The following EEIG1 variants were observed in gnomAD, a reference collection of about 807,000 sequenced individuals.
The protein encoded by EEIG1 is estrogen-induced osteoclastogenesis regulator 1, also known as early estrogen-induced gene 1 protein.
chr9:127,973,601 C>T, the EEIG1 span, among the ~76,000 whole-genome samples: 1 of 152,232 alleles, frequency 6.6e-6, no homozygotes. This position sits in a 1 kb window ranked among gnomAD's most constrained non-coding sequence, Gnocchi z 4.2. Flanking sequence ...AAGGAGCAGA[C>T]ACCAAGGCCA....
chr9:127,943,271 C>G, the EEIG1 span: 1 of 1,609,640 alleles, frequency 6.2e-7, no homozygotes, highest in African/African-American at 1.3e-5. Flanking sequence ...ATGTCCCCCT[C>G]GATACCCCAT....
chr9:127,965,748 T>C, the EEIG1 span, among the ~76,000 whole-genome samples: 2 of 152,192 alleles, frequency 1.3e-5, no homozygotes, highest in Admixed American at 6.5e-5. Context: ...ACATCTGCCT[T>C]GTGCTTCCCC....
the EEIG1 span, among the ~76,000 whole-genome samples, chr9:127,972,317 C>T: frequency 6.6e-6 from 1 of 152,144 alleles, no homozygotes; most frequent in Non-Finnish European, 1.5e-5. The surrounding 1 kb of genome is among the most constrained non-coding windows in gnomAD (Gnocchi z 4.3). Flanking sequence ...CACCCTGCCC[C>T]GAGTGCAAAG....
chr9:127,949,311 CAAAAAA>C, the EEIG1 span, among the ~76,000 whole-genome samples: 2 of 90,160 alleles, frequency 2.2e-5, no homozygotes, highest in Non-Finnish European at 4.1e-5. Flanking sequence ...GACTCTGTCT[CAAAAAA>C]AAAAAAAAAA....
At chr9:127,973,632 AG>A in the EEIG1 span, among the ~76,000 whole-genome samples, 2 of 152,188 alleles carry the variant, frequency 1.3e-5, no homozygotes, top group African/African-American at 4.8e-5. This position sits in a 1 kb window ranked among gnomAD's most constrained non-coding sequence, Gnocchi z 4.2. Flanking sequence ...CGGCAGCTTC[AG>A]GCTTCCCCGC....
the EEIG1 span, among the ~76,000 whole-genome samples, chr9:127,956,224 G>C: frequency 6.6e-6 from 1 of 152,142 alleles, no homozygotes; most frequent in Non-Finnish European, 1.5e-5. Context: ...TGTGTGCCAG[G>C]CCCTGTTCTA....
chr9:127,945,027 T>A, the EEIG1 span: 82 of 1,137,158 alleles, frequency 7.2e-5, no homozygotes, highest in Non-Finnish European at 9.5e-5. This position sits in a 1 kb window ranked among gnomAD's most constrained non-coding sequence, Gnocchi z 6.5. Flanking sequence ...CGTGCTGTAC[T>A]TCACTGAAAC....
the EEIG1 span, among the ~76,000 whole-genome samples, chr9:127,967,554 T>A: frequency 2.0e-5 from 3 of 152,194 alleles, no homozygotes; most frequent in Admixed American, 6.5e-5. Context: ...ACAATGGGTG[T>A]CACACTGGGC....
At chr9:127,956,353 T>C in the EEIG1 span, among the ~76,000 whole-genome samples, 1 of 152,208 alleles carries the variant, frequency 6.6e-6, no homozygotes, top group African/African-American at 2.4e-5. Context: ...TATTAACAGA[T>C]GACTTGATCT....
At chr9:127,956,934 C>T in the EEIG1 span, among the ~76,000 whole-genome samples, 3 of 152,008 alleles carry the variant, frequency 2.0e-5, no homozygotes, top group African/African-American at 7.2e-5. Flanking sequence ...AGGCTGGTCT[C>T]GAACTCCTGG....
the EEIG1 span, among the ~76,000 whole-genome samples, chr9:127,970,184 G>A: frequency 4.6e-3 from 694 of 152,080 alleles, 3 homozygotes; most frequent in African/African-American, 0.015. Context: ...CGCGATCTCC[G>A]CACGCTGCAG....
chr9:127,971,466 AG>A, the EEIG1 span, among the ~76,000 whole-genome samples: 1 of 146,720 alleles, frequency 6.8e-6, no homozygotes, highest in African/African-American at 2.5e-5. Context: ...GAGCCCGTGG[AG>A]GCACCCAGCT....
the EEIG1 span, chr9:127,953,889 C>T: frequency 1.2e-6 from 2 of 1,613,922 alleles, no homozygotes; most frequent in East Asian, 2.2e-5. Flanking sequence ...AGGTGAACCT[C>T]TTTCGCCACC....
chr9:127,967,734 A>C, the EEIG1 span, among the ~76,000 whole-genome samples: 26 of 152,152 alleles, frequency 1.7e-4, no homozygotes, highest in Non-Finnish European at 3.8e-4. Context: ...TCTGGTACCC[A>C]CCGGACACTT....
chr9:127,950,300 G>T, the EEIG1 span: 9 of 961,456 alleles, frequency 9.4e-6, no homozygotes, highest in Non-Finnish European at 1.4e-5. Context: ...GCCCCTTCCC[G>T]ATGTCTACCT....
At chr9:127,968,911 C>T in the EEIG1 span, among the ~76,000 whole-genome samples, 1 of 152,218 alleles carries the variant, frequency 6.6e-6, no homozygotes, top group African/African-American at 2.4e-5. Flanking sequence ...TCCCTGAAGA[C>T]TCACAGACCA....
chr9:127,945,437 G>C, the EEIG1 span: 1 of 1,566,048 alleles, frequency 6.4e-7, no homozygotes, highest in Non-Finnish European at 8.6e-7. The surrounding 1 kb of genome is among the most constrained non-coding windows in gnomAD (Gnocchi z 6.5). Flanking sequence ...CGGTGCTCCC[G>C]CTCACTGCCC....
the EEIG1 span, among the ~76,000 whole-genome samples, chr9:127,961,774 A>C: frequency 6.7e-6 from 1 of 148,642 alleles, no homozygotes; most frequent in East Asian, 2.9e-4. Context: ...GTGGCCACAG[A>C]TATCTGGGGG....
the EEIG1 span, chr9:127,948,452 C>T: frequency 6.2e-7 from 1 of 1,605,344 alleles, no homozygotes; most frequent in South Asian, 1.1e-5. Flanking sequence ...CCCTGACCAC[C>T]CACAGCCTGC....
Sources: allele counts gnomAD v4.1 joint callset (sites outside exome capture counted in the v4.1 genomes callset), GRCh38; gene constraint gnomAD v4.1.1; non-coding constraint Gnocchi (gnomAD v3.1); transcripts MANE v1.5; gene names NCBI Gene and HGNC (gene_info 2026-07-23, HGNC 2026-07-21).